Variants in RFC3 observed in about 807,000 individuals in gnomAD.
RFC3 encodes replication factor C subunit 3.
A neutral mutation model predicts 45.1 loss-of-function variants in RFC3; 41 were observed. That is an observed-to-expected ratio of 0.91 (90% confidence interval 0.71 to 1.18). The LOEUF (loss-of-function observed/expected upper bound fraction) is 1.18. Ranked by LOEUF, RFC3 falls within the 50% of genes most tolerant of loss-of-function variation. The pLI is 0.00. For synonymous variants in RFC3, 149 were observed against 144.0 expected, an observed-to-expected ratio of 1.03 and a Z score of -0.25; for missense variants, 423 against 428.1, an observed-to-expected ratio of 0.99 and a Z score of 0.10.
intron 8 of RFC3, among the ~76,000 whole-genome samples, chr13:33,964,502 C>A (rs1387809827): frequency 6.6e-6 from 1 of 152,186 alleles, no homozygotes; most frequent in Non-Finnish European, 1.5e-5. Flanking sequence ...TTCCCACCAG[C>A]TCTGGCTATG....
At chr13:33,956,481 A>G (rs1014624716) in intron 8 of RFC3, among the ~76,000 whole-genome samples, 1 of 152,204 alleles carries the variant, frequency 6.6e-6, no homozygotes, top group African/African-American at 2.4e-5. Flanking sequence ...AATTTCCCTA[A>G]ACTCTGCTAA....
chr13:33,946,027 C>T (rs1306987036), intron 8 of RFC3, among the ~76,000 whole-genome samples: 2 of 152,184 alleles, frequency 1.3e-5, no homozygotes, highest in Admixed American at 6.5e-5. Context: ...GAGCGCTGCT[C>T]TGTCGGCCTA....
chr13:33,874,137 A>G (rs930729101), intron 8 of RFC3, among the ~76,000 whole-genome samples: 1 of 152,226 alleles, frequency 6.6e-6, no homozygotes. Context: ...GAGAAGTTGC[A>G]TGCTAATTAT....
At chr13:33,855,474 A>G (rs2082303169) in intron 8 of RFC3, among the ~76,000 whole-genome samples, 1 of 152,168 alleles carries the variant, frequency 6.6e-6, no homozygotes, top group Non-Finnish European at 1.5e-5. Context: ...AAGGATTTAT[A>G]ATCCTTTGGT....
At chr13:33,961,995 C>G (rs9598395) in intron 8 of RFC3, among the ~76,000 whole-genome samples, 2,332 of 152,274 alleles carry the variant, frequency 0.015, 68 homozygotes, top group African/African-American at 0.054. Flanking sequence ...AGAAACTGAT[C>G]TCATCAGCAA....
chr13:33,936,138 T>G (rs149799680), intron 8 of RFC3, among the ~76,000 whole-genome samples: 1 of 152,244 alleles, frequency 6.6e-6, no homozygotes, highest in East Asian at 1.9e-4. Flanking sequence ...GTCTTATGCA[T>G]ACTGCCCCCA....
intron 8 of RFC3, among the ~76,000 whole-genome samples, chr13:33,880,467 A>G (rs1170353507): frequency 6.6e-6 from 1 of 152,198 alleles, no homozygotes; most frequent in African/African-American, 2.4e-5. Context: ...AGACTATTCC[A>G]TATAACTTTC....
chr13:33,897,341 C>T (rs9598252), intron 8 of RFC3, among the ~76,000 whole-genome samples: 2,834 of 151,818 alleles, frequency 0.019, 71 homozygotes, highest in African/African-American at 0.066. Flanking sequence ...AAGTCATCAA[C>T]TCTTTAAAAA....
intron 8 of RFC3, among the ~76,000 whole-genome samples, chr13:33,870,068 A>G (rs1377385525): frequency 6.6e-6 from 1 of 152,248 alleles, no homozygotes. Flanking sequence ...CTAAGTACCT[A>G]GAATCTAGTT....
intron 8 of RFC3, 122 bp downstream of exon 8, chr13:33,835,339 G>T: frequency 1.3e-6 from 1 of 756,568 alleles, no homozygotes; most frequent in Non-Finnish European, 2.4e-6. Flanking sequence ...TTAATTGCAC[G>T]TATTTACTGA....
intron 8 of RFC3, among the ~76,000 whole-genome samples, chr13:33,916,759 AGT>A (rs2082736138): frequency 6.7e-6 from 1 of 148,552 alleles, no homozygotes. Context: ...TGTACATATG[AGT>A]GTGCATGTAC....
chr13:33,838,126 T>C (rs1213153347), downstream of RFC3, among the ~76,000 whole-genome samples: 1 of 152,178 alleles, frequency 6.6e-6, no homozygotes, highest in Non-Finnish European at 1.5e-5. Flanking sequence ...ACTTCAAGCA[T>C]TTTGAAGATC....
rs1413653034 is a variant in RFC3 at position 33,836,341 on chromosome 13, C to T, written c.*46C>T. The T allele has an allele frequency of 3.8e-6, 6 of 1,592,404 alleles. No homozygotes were observed. The highest frequency in any genetic ancestry group is 4.5e-5 in the East Asian group (2 of 44,514). ...AAAGATTTCTCAGTATCAGTATTTA[C>T]ATACAGCTTATATTAAAAGAGCTGT... On this transcript the variant is annotated 3_prime_UTR_variant, in exon 9 of 9. Coordinates refer to ENST00000380071, the MANE Select transcript of RFC3 (RefSeq NM_002915.4).
intron 8 of RFC3, among the ~76,000 whole-genome samples, chr13:33,914,704 T>A (rs1313308722): frequency 6.6e-6 from 1 of 152,270 alleles, no homozygotes; most frequent in South Asian, 2.1e-4. Context: ...AAATAATAAT[T>A]AAGAATGACA....
At chr13:33,892,584 T>G (rs1454669592) in intron 8 of RFC3, among the ~76,000 whole-genome samples, 2 of 152,178 alleles carry the variant, frequency 1.3e-5, no homozygotes, top group Non-Finnish European at 2.9e-5. Flanking sequence ...TCTGAGCCTA[T>G]AATTCTCAAG....
At chr13:33,972,361 G>GT in the RFC3 span, among the ~76,000 whole-genome samples, 1 of 152,038 alleles carries the variant, frequency 6.6e-6, no homozygotes, top group Non-Finnish European at 1.5e-5. Context: ...CCCTGGGTTG[G>GT]TGCTGAAATC....
At chr13:33,914,116 C>T (rs776350706) in intron 8 of RFC3, among the ~76,000 whole-genome samples, 15 of 151,834 alleles carry the variant, frequency 9.9e-5, no homozygotes, top group East Asian at 1.9e-4. Flanking sequence ...GATATTAAGG[C>T]GGTTCATGGT....
exon 9 of RFC3, chr13:33,966,145 T>A (rs1477641646): frequency 6.3e-7 from 1 of 1,589,502 alleles, no homozygotes; most frequent in Non-Finnish European, 8.6e-7. Flanking sequence ...AAGAACAACT[T>A]GCTACTGACT....
intron 8 of RFC3, among the ~76,000 whole-genome samples, chr13:33,943,889 G>A (rs772518652): frequency 5.3e-5 from 8 of 152,130 alleles, no homozygotes; most frequent in Non-Finnish European, 8.8e-5. Context: ...TTGGGCAGAA[G>A]CAAGCTTTCA....
Sources: gnomAD v4.1 joint callset for allele counts (sites outside exome capture counted in the v4.1 genomes callset) on GRCh38, gnomAD v4.1.1 for gene constraint, MANE v1.5 for transcripts, NCBI Gene and HGNC (gene_info 2026-07-23, HGNC 2026-07-21) for gene names.